The following DNAI4 variants were observed in gnomAD, a reference collection of about 807,000 sequenced individuals.
The protein encoded by DNAI4 is dynein axonemal intermediate chain 4, also known as WD repeat domain 78.
Under a neutral mutation model 105.8 loss-of-function variants are expected in DNAI4, and 85 were observed. The ratio of observed to expected loss-of-function variants is 0.80; its 90% CI spans 0.67 to 0.96. The LOEUF is 0.96. Among genes scored for constraint, DNAI4 ranks in the 40% least tolerant of loss-of-function variants. DNAI4 has a pLI of 0.00. For missense variants in DNAI4, 1,014 were observed against 1,005.6 expected (o/e 1.01, Z -0.11); for synonymous variants, 352 against 331.5 (o/e 1.06, Z -0.67).
At chr1:66,914,571 G>A (rs1045810198) in intron 1 of DNAI4, among the ~76,000 whole-genome samples, 6 of 151,858 alleles carry the variant, frequency 4.0e-5, no homozygotes, top group South Asian at 2.1e-4. Flanking sequence ...TTTTCTCTCC[G>A]CATCTTATAA....
At chr1:66,891,680 T>C (rs550781317) in intron 3 of DNAI4, among the ~76,000 whole-genome samples, 2 of 152,350 alleles carry the variant, frequency 1.3e-5, no homozygotes, top group South Asian at 4.1e-4. Context: ...GCCAGGCTGG[T>C]CTTGAACTCC....
chr1:66,814,392 CAG>C (rs1227440567), intron 16 of DNAI4, among the ~76,000 whole-genome samples: 1 of 151,300 alleles, frequency 6.6e-6, no homozygotes, highest in Non-Finnish European at 1.5e-5. Flanking sequence ...TTTTTTGAGA[CAG>C]AGTCTTGCTC....
chr1:66,853,770 C>T (rs1646444070), intron 7 of DNAI4, among the ~76,000 whole-genome samples: 1 of 152,178 alleles, frequency 6.6e-6, no homozygotes, highest in Admixed American at 6.5e-5. Context: ...CATTATACCT[C>T]ATGCAGAAAG....
chr1:66,830,546 G>A (rs1645843889), intron 13 of DNAI4, among the ~76,000 whole-genome samples: 1 of 152,040 alleles, frequency 6.6e-6, no homozygotes, highest in South Asian at 2.1e-4. Flanking sequence ...GGAGGCCAAG[G>A]CAGAAGGATC....
intron 4 of DNAI4, among the ~76,000 whole-genome samples, chr1:66,884,439 T>G (rs746955253): frequency 6.6e-6 from 1 of 152,192 alleles, no homozygotes; most frequent in Non-Finnish European, 1.5e-5. Context: ...CCATCAACAG[T>G]GTATAAGAGT....
chr1:66,849,272 G>A (rs545466655), intron 7 of DNAI4, among the ~76,000 whole-genome samples: 2 of 151,246 alleles, frequency 1.3e-5, no homozygotes, highest in Non-Finnish European at 2.9e-5. Flanking sequence ...CCTAGCCATG[G>A]TGTTGTCAAT....
At chr1:66,873,701 T>TCTCTTTCAG (rs534589606) in intron 5 of DNAI4, among the ~76,000 whole-genome samples, 3 of 152,176 alleles carry the variant, frequency 2.0e-5, no homozygotes, top group Non-Finnish European at 4.4e-5. Context: ...CACAAGAATC[T>TCTCTTTCAG]CTCTTTCAGC....
intron 4 of DNAI4, among the ~76,000 whole-genome samples, chr1:66,879,964 G>C (rs1050251242): frequency 6.7e-6 from 1 of 149,690 alleles, no homozygotes; most frequent in Non-Finnish European, 1.5e-5. Context: ...CCAATGGGAG[G>C]TGATTGAATT....
At chr1:66,882,375 T>A (rs1647091537) in intron 4 of DNAI4, among the ~76,000 whole-genome samples, 1 of 152,214 alleles carries the variant, frequency 6.6e-6, no homozygotes, top group Non-Finnish European at 1.5e-5. Flanking sequence ...TATCTAAAAT[T>A]CCATTACCAA....
Position 66,905,300 on chromosome 1 carries a change from A to C in DNAI4, c.246T>G (p.Thr82=). 1 of 1,554,336 alleles carries C rather than the reference A, an allele frequency of 6.4e-7. No homozygotes were observed. The highest frequency in any genetic ancestry group is 8.8e-7 in the Non-Finnish European group (1 of 1,141,192). Residue 82 remains threonine, a synonymous_variant, in exon 2 of 17, where the codon ACT becomes ACG. Transcript: ENST00000371026. ...TMKATSVKGY[T]GANQSRMAVS... The stretch of plus-strand genomic sequence containing the variant: ...CAGCCATTCTGCTTTGATTTGCACC[A>C]GTATATCCTTTCACTGAAGTTGCTT...
At chr1:66,837,865 A>C (rs1212933002) in intron 9 of DNAI4, 69 bp from the exon 10 acceptor site, 5 of 1,346,320 alleles carry the variant, frequency 3.7e-6, no homozygotes, top group Non-Finnish European at 5.1e-6. Flanking sequence ...ATGTATAAAG[A>C]TATATATTAA....
intron 4 of DNAI4, among the ~76,000 whole-genome samples, chr1:66,884,852 C>T (rs896525678): frequency 2.0e-5 from 3 of 152,158 alleles, no homozygotes; most frequent in Admixed American, 6.6e-5. Flanking sequence ...TAACCAGAAG[C>T]CATCAAAGTA....
chr1:66,856,808 T>C (rs1458628693), intron 7 of DNAI4, among the ~76,000 whole-genome samples: 2 of 152,046 alleles, frequency 1.3e-5, no homozygotes, highest in African/African-American at 2.4e-5. Flanking sequence ...ATACAACTTA[T>C]CAAAATTTGT....
rs374789873 is a variant in DNAI4, at chr1:66,826,809, T to C, written c.2339+11A>G. 8.7e-6 allele frequency: 14 copies of C among 1,609,646 alleles called. No individual in the cohort carries two copies. The highest frequency in any genetic ancestry group is 8.0e-5 in the African/African-American group (6 of 74,548). Reference sequence around the variant, plus strand: ...TCTACTAAAATTTATGCAAGAAAAATAGTAACTTACGTGCTGATATGAAGG... The same window carrying C: ...TCTACTAAAATTTATGCAAGAAAAACAGTAACTTACGTGCTGATATGAAGG... On this transcript the variant is annotated intron_variant, in intron 15 of 16. Coordinates refer to ENST00000371026, the MANE Select transcript of DNAI4 (RefSeq NM_024763.5).
At chr1:66,834,183 A>T (rs201074098) in intron 11 of DNAI4, 35 bp from the exon 12 acceptor site, 16 of 1,507,660 alleles carry the variant, frequency 1.1e-5, no homozygotes, top group African/African-American at 1.5e-5. Context: ...ACATATAATC[A>T]TTATAATAAT....
intron 12 of DNAI4, 110 bp from the exon 13 acceptor site, chr1:66,833,816 G>C (rs190302895): frequency 2.1e-6 from 3 of 1,438,952 alleles, no homozygotes; most frequent in Admixed American, 2.4e-5. Flanking sequence ...GCCAACTTTT[G>C]CATGTAATTA....
chr1:66,814,131 T>C lies in DNAI4; in HGVS notation c.2546A>G (p.Ter849=). The change falls in exon 17 of 17, where the codon TAA becomes TGA. Residue 849 remains the stop codon, a stop_retained_variant. Coordinates refer to ENST00000371026, the MANE Select transcript of DNAI4 (RefSeq NM_024763.5). Reference sequence around the variant, plus strand: ...AAGAAAAATATTAGGAATGATGAATTATGCTGATTGGTTTGACTTGGATCC... The same window carrying C: ...AAGAAAAATATTAGGAATGATGAATCATGCTGATTGGTTTGACTTGGATCC... The part of the protein sequence containing the change: ...LLGSKSNQSA[*] 6.3e-7 allele frequency: 1 copy of C among 1,589,264 alleles called. No homozygotes were observed. Among genetic ancestry groups the C allele is most frequent in the East Asian group, 2.2e-5 (1 of 44,664 alleles).
chr1:66,891,279 A>G lies in DNAI4; in HGVS notation c.531-13T>C. The G allele has an allele frequency of 1.3e-6, 2 of 1,565,074 alleles. No individual in the cohort carries two copies. Among genetic ancestry groups the G allele is most frequent in the Non-Finnish European group, 1.8e-6 (2 of 1,136,994 alleles). ...TCCTAAAACTGACCTTTAATAATGA[A>G]TAACAAAATTACTCATTTATTTAGA... On this transcript the variant is annotated splice_polypyrimidine_tract_variant and intron_variant, in intron 3 of 16. Transcript: ENST00000371026.
intron 10 of DNAI4, 168 bp downstream of exon 10, chr1:66,837,542 C>A: frequency 1.3e-6 from 1 of 770,036 alleles, no homozygotes; most frequent in Non-Finnish European, 2.0e-6. Context: ...TTATCTTTAC[C>A]CTATGTCAAC....
Sources: allele counts gnomAD v4.1 joint callset (sites outside exome capture counted in the v4.1 genomes callset), GRCh38; gene constraint gnomAD v4.1.1; transcripts MANE v1.5; gene names NCBI Gene and HGNC (gene_info 2026-07-23, HGNC 2026-07-21).